RALA: variants seen among roughly 807,000 people sequenced by gnomAD.
RALA encodes the protein ras-related protein Ral-A.
In RALA, 5 loss-of-function variants were observed where a neutral mutation model predicts 24.0. The ratio of observed to expected loss-of-function variants is 0.21; its 90% CI spans 0.11 to 0.44. The LOEUF is 0.44. Ranked by LOEUF, RALA falls within the 20% of genes least tolerant of loss-of-function variation. RALA has a pLI of 0.99. For synonymous variants in RALA, 77 were observed against 83.8 expected (o/e 0.92, Z 0.44); for missense variants, 95 against 241.2 (o/e 0.39, Z 4.01).
At chr7:39,664,333 AC>A (rs998177617) in intron 1 of RALA, among the ~76,000 whole-genome samples, 1 of 152,304 alleles carries the variant, frequency 6.6e-6, no homozygotes, top group South Asian at 2.1e-4. Context: ...GACAACAAGA[AC>A]CCTTTTTCTG....
In RALA at chr7:39,623,634, C is replaced by A; in HGVS notation, c.-229C>A. On this transcript the variant is annotated 5_prime_UTR_variant, in exon 1 of 5. Coordinates refer to ENST00000005257, the MANE Select transcript of RALA (RefSeq NM_005402.4). This position sits in a 1 kb window ranked among gnomAD's most constrained non-coding sequence, Gnocchi z 4.9. Reference sequence around the variant, plus strand: ...TCTCCCCAGAGCAAAGCGTCGGAGTCCTCCTCCTCCTTCTCCTCCTCCTCC... The same window carrying A: ...TCTCCCCAGAGCAAAGCGTCGGAGTACTCCTCCTCCTTCTCCTCCTCCTCC... 1 of 153,982 alleles carries A rather than the reference C, an allele frequency of 6.5e-6. No individual in the cohort carries two copies. Among genetic ancestry groups the A allele is most frequent in the South Asian group, 1.8e-4 (1 of 5,548 alleles). 9.5% of individuals were successfully genotyped at this position (153,982 alleles called of 1,614,324 possible).
At chr7:39,681,302 CTTTTTTTTTTTTTTTTTT>C (rs70996832) in intron 1 of RALA, among the ~76,000 whole-genome samples, 7 of 50,008 alleles carry the variant, frequency 1.4e-4, no homozygotes, top group African/African-American at 4.8e-4. Flanking sequence ...CACCCTATTC[CTTTTTTTTTTTTTTTTTT>C]TTTTTTTTTT....
At chr7:39,696,590 T>C in intron 3 of RALA, 95 bp from the exon 4 acceptor site, 1 of 964,234 alleles carries the variant, frequency 1.0e-6, no homozygotes, top group Non-Finnish European at 1.5e-6. Context: ...CAGTAGTAGA[T>C]GTTAACAATA....
At chr7:39,695,023 C>T (rs996538039) in intron 3 of RALA, among the ~76,000 whole-genome samples, 12 of 150,818 alleles carry the variant, frequency 8.0e-5, no homozygotes, top group Admixed American at 7.9e-4. Flanking sequence ...CATGCCACTG[C>T]ACTACAGCCT....
chr7:39,688,726 A>C (rs895785598), intron 2 of RALA, among the ~76,000 whole-genome samples: 12 of 152,122 alleles, frequency 7.9e-5, no homozygotes, highest in African/African-American at 2.9e-4. Flanking sequence ...GGCATGTGCC[A>C]CTATGCCCAG....
At chr7:39,648,551 T>TA (rs1341451783) in intron 1 of RALA, among the ~76,000 whole-genome samples, 1 of 152,156 alleles carries the variant, frequency 6.6e-6, no homozygotes, top group Non-Finnish European at 1.5e-5. Context: ...TCATGGATCT[T>TA]ATGTTCTGCA....
intron 3 of RALA, among the ~76,000 whole-genome samples, chr7:39,695,288 C>T (rs545932467): frequency 6.6e-6 from 1 of 152,260 alleles, no homozygotes; most frequent in South Asian, 2.1e-4. Context: ...TATGCACATC[C>T]TCCCATGTAC....
At chr7:39,666,985 C>G (rs1435481776) in intron 1 of RALA, among the ~76,000 whole-genome samples, 3 of 152,156 alleles carry the variant, frequency 2.0e-5, no homozygotes, top group Non-Finnish European at 4.4e-5. Flanking sequence ...TCACTTCAAT[C>G]CTTCTCTGTA....
intron 4 of RALA, 75 bp downstream of exon 4, chr7:39,696,934 G>C: frequency 7.3e-7 from 1 of 1,365,308 alleles, no homozygotes; most frequent in Non-Finnish European, 1.0e-6. Context: ...ATTTTGTCTG[G>C]AGAGTCTATG....
Position 39,663,114 on chromosome 7 carries a change from A to G in RALA, c.-37-23517A>G, listed in dbSNP as rs1045188802. On this transcript the variant is annotated intron_variant, in intron 1 of 4. Coordinates refer to ENST00000005257, the MANE Select transcript of RALA (RefSeq NM_005402.4). The stretch of plus-strand genomic sequence containing the variant: ...AGTTGTCTCCCACTGAGTCCCTCCC[A>G]CAACATGTAGGAATCATGGGAGCTA... 3.2e-4 allele frequency among the ~76,000 whole-genome samples: 49 copies of G among 152,116 alleles called. 1 individual carries two copies. The highest frequency in any genetic ancestry group is 3.1e-3 in the Admixed American group (48 of 15,266).
At chr7:39,701,599 T>A (rs553896678) in intron 4 of RALA, among the ~76,000 whole-genome samples, 1 of 152,242 alleles carries the variant, frequency 6.6e-6, no homozygotes, top group Non-Finnish European at 1.5e-5. Context: ...TCACAAATTT[T>A]CAGGAATAGC....
chr7:39,660,161 T>C (rs1362260708), intron 1 of RALA, among the ~76,000 whole-genome samples: 1 of 152,078 alleles, frequency 6.6e-6, no homozygotes, highest in African/African-American at 2.4e-5. Flanking sequence ...CTGGCCAATA[T>C]GGTGAAACCC....
intron 1 of RALA, among the ~76,000 whole-genome samples, chr7:39,648,362 G>A (rs886145694): frequency 1.3e-5 from 2 of 151,824 alleles, no homozygotes; most frequent in African/African-American, 4.8e-5. Context: ...AAATGAAAAA[G>A]GAGTTAATAT....
At chr7:39,679,125 C>T (rs11766223) in intron 1 of RALA, among the ~76,000 whole-genome samples, 4 of 149,472 alleles carry the variant, frequency 2.7e-5, no homozygotes, top group Non-Finnish European at 5.9e-5. Flanking sequence ...TATTTCAGTG[C>T]GTAAAGAGCT....
intron 3 of RALA, among the ~76,000 whole-genome samples, chr7:39,692,964 G>A (rs1354845713): frequency 6.6e-6 from 1 of 152,194 alleles, no homozygotes; most frequent in Non-Finnish European, 1.5e-5. Context: ...CTTTTACACT[G>A]TTGGTGAGAG....
chr7:39,674,325 A>T (rs988366917), intron 1 of RALA, among the ~76,000 whole-genome samples: 1 of 152,150 alleles, frequency 6.6e-6, no homozygotes, highest in Non-Finnish European at 1.5e-5. Context: ...AATTTTATCA[A>T]ATATTATTCT....
At chr7:39,640,249 C>T (rs1374267575) in intron 1 of RALA, among the ~76,000 whole-genome samples, 3 of 152,146 alleles carry the variant, frequency 2.0e-5, no homozygotes, top group Non-Finnish European at 4.4e-5. Flanking sequence ...GTTGCCCAGG[C>T]TTGTCTCAAA....
At chr7:39,693,950 C>A (rs1260027704) in intron 3 of RALA, among the ~76,000 whole-genome samples, 1 of 152,160 alleles carries the variant, frequency 6.6e-6, no homozygotes, top group East Asian at 1.9e-4. Flanking sequence ...CAAAGAACTT[C>A]CTATGAGTGT....
At chr7:39,626,866 G>A (rs1437483736) in intron 1 of RALA, among the ~76,000 whole-genome samples, 1 of 152,178 alleles carries the variant, frequency 6.6e-6, no homozygotes, top group Non-Finnish European at 1.5e-5. Flanking sequence ...AAAAGAAGCA[G>A]AGATGTGCTT....
Sources: allele counts gnomAD v4.1 joint callset (sites outside exome capture counted in the v4.1 genomes callset), GRCh38; gene constraint gnomAD v4.1.1; non-coding constraint Gnocchi (gnomAD v3.1); transcripts MANE v1.5; gene names NCBI Gene and HGNC (gene_info 2026-07-23, HGNC 2026-07-21).